The following DENND1A variants were observed in gnomAD, a reference collection of about 807,000 sequenced individuals.
DENND1A encodes the protein DENN domain containing 1A.
DENND1A carries 51 observed loss-of-function variants against 113.7 expected under a neutral mutation model. The observed-to-expected ratio is 0.45, with a 90% confidence interval of 0.36 to 0.57. The LOEUF (loss-of-function observed/expected upper bound fraction) is 0.57, where lower values mean the gene tolerates loss of function less well. Ranked by LOEUF, DENND1A falls within the 20% of genes least tolerant of loss-of-function variation. DENND1A has a pLI of 0.00. For missense variants in DENND1A, 1,258 were observed against 1,395.9 expected (o/e 0.90, Z 1.57); for synonymous variants, 565 against 570.8 (o/e 0.99, Z 0.14).
chr9:123,721,888 G>C (rs1368772888), intron 5 of DENND1A, among the ~76,000 whole-genome samples: 2 of 152,148 alleles, frequency 1.3e-5, no homozygotes, highest in Non-Finnish European at 2.9e-5. Context: ...CAGTAAATTG[G>C]TACCAGTAGA....
chr9:123,510,285 G>A (rs1303117733), intron 13 of DENND1A, among the ~76,000 whole-genome samples: 1 of 152,230 alleles, frequency 6.6e-6, no homozygotes, highest in East Asian at 1.9e-4. Flanking sequence ...TAGGCAAGTG[G>A]GTTGAACCTG....
intron 10 of DENND1A, among the ~76,000 whole-genome samples, chr9:123,620,239 G>GAAAAGA (rs2060888709): frequency 1.9e-5 from 2 of 106,644 alleles, no homozygotes; most frequent in Admixed American, 1.8e-4. Context: ...AAAAAAAAAA[G>GAAAAGA]AAAAGAAAAA....
intron 12 of DENND1A, among the ~76,000 whole-genome samples, chr9:123,575,709 T>G (rs1428699999): frequency 6.6e-6 from 1 of 152,256 alleles, no homozygotes; most frequent in Non-Finnish European, 1.5e-5. Flanking sequence ...CAAGGGGCGA[T>G]TAAGCCCCTT....
At chr9:123,464,994 C>CAAAAAAAAAAAAAAAAAAAAAA (rs10655282) in intron 13 of DENND1A, among the ~76,000 whole-genome samples, 1 of 70,572 alleles carries the variant, frequency 1.4e-5, no homozygotes, top group Non-Finnish European at 2.5e-5. Flanking sequence ...ACTAAAAATA[C>CAAAAAAAAAAAAAAAAAAAAAA]AAAAAAAAAA....
At chr9:123,565,799 C>T (rs1386190827) in intron 12 of DENND1A, among the ~76,000 whole-genome samples, 1 of 152,186 alleles carries the variant, frequency 6.6e-6, no homozygotes, top group South Asian at 2.1e-4. Flanking sequence ...TTCCTTAGTT[C>T]TTGCCTCAAA....
chr9:123,682,661 G>A (rs1300083172), intron 5 of DENND1A, among the ~76,000 whole-genome samples: 4 of 152,142 alleles, frequency 2.6e-5, no homozygotes, highest in African/African-American at 9.7e-5. Context: ...TGGTAACCCC[G>A]AGTTTGAATC....
intron 1 of DENND1A, among the ~76,000 whole-genome samples, chr9:123,915,977 A>G (rs539049038): frequency 2.0e-5 from 3 of 152,306 alleles, no homozygotes; most frequent in Non-Finnish European, 2.9e-5. Context: ...GAATTTGACA[A>G]TATCTAGCAA....
chr9:123,485,647 C>CGT (rs2050765715), intron 13 of DENND1A: 8 of 16,676 alleles, frequency 4.8e-4, no homozygotes, highest in Non-Finnish European at 1.2e-3. Context: ...TACACACACG[C>CGT]GCGCGCGCGC....
chr9:123,905,442 G>A (rs919087227), intron 1 of DENND1A, among the ~76,000 whole-genome samples: 6 of 146,500 alleles, frequency 4.1e-5, no homozygotes, highest in Admixed American at 4.1e-4. Context: ...ACCCATCAGT[G>A]TGCTGTATTC....
intron 13 of DENND1A, among the ~76,000 whole-genome samples, chr9:123,481,847 G>A (rs2050366369): frequency 6.7e-6 from 1 of 149,812 alleles, no homozygotes; most frequent in East Asian, 2.0e-4. Flanking sequence ...CCAGGCTGGA[G>A]TGCAGTGGCG....
chr9:123,683,596 T>C (rs1216141708), intron 5 of DENND1A, among the ~76,000 whole-genome samples: 1 of 152,210 alleles, frequency 6.6e-6, no homozygotes, highest in Non-Finnish European at 1.5e-5. Flanking sequence ...TCATTTTTAC[T>C]ATGAGCTTTT....
chr9:123,404,541 C>A (rs2043778504), intron 20 of DENND1A, among the ~76,000 whole-genome samples: 1 of 151,854 alleles, frequency 6.6e-6, no homozygotes, highest in Admixed American at 6.6e-5. Flanking sequence ...GGGAAGCAGG[C>A]ACACACTCCA....
At chr9:123,787,559 A>C (rs1396198043) in intron 3 of DENND1A, among the ~76,000 whole-genome samples, 1 of 152,210 alleles carries the variant, frequency 6.6e-6, no homozygotes, top group East Asian at 1.9e-4. Context: ...AAGCTTAAGA[A>C]ATGTTTTGCA....
intron 3 of DENND1A, among the ~76,000 whole-genome samples, chr9:123,779,219 A>G (rs189954881): frequency 6.1e-4 from 93 of 152,134 alleles, no homozygotes; most frequent in Non-Finnish European, 1.0e-3. Flanking sequence ...CTGGTGCTCT[A>G]CTCCCCACTC....
At chr9:123,844,040 TAAAC>T (rs754304598) in intron 2 of DENND1A, among the ~76,000 whole-genome samples, 2 of 151,942 alleles carry the variant, frequency 1.3e-5, no homozygotes, top group African/African-American at 2.4e-5. Context: ...TAAAAAAAAT[TAAAC>T]AAACTAGAAA....
chr9:123,779,220 C>T (rs926352303), intron 3 of DENND1A, among the ~76,000 whole-genome samples: 1 of 152,184 alleles, frequency 6.6e-6, no homozygotes, highest in Non-Finnish European at 1.5e-5. Context: ...TGGTGCTCTA[C>T]TCCCCACTCA....
intron 13 of DENND1A, among the ~76,000 whole-genome samples, chr9:123,495,035 G>C (rs1463650010): frequency 2.0e-5 from 3 of 152,054 alleles, no homozygotes; most frequent in Non-Finnish European, 4.4e-5. Context: ...CAGGTGATCT[G>C]CCCATCTTGG....
At chr9:123,902,904 G>A (rs1851937569) in intron 1 of DENND1A, among the ~76,000 whole-genome samples, 1 of 150,528 alleles carries the variant, frequency 6.6e-6, no homozygotes, top group South Asian at 2.1e-4. Flanking sequence ...GAATACAGAT[G>A]TAAACATAAA....
At chr9:123,741,460 T>C (rs556150742) in intron 5 of DENND1A, among the ~76,000 whole-genome samples, 1 of 152,334 alleles carries the variant, frequency 6.6e-6, no homozygotes, top group East Asian at 1.9e-4. Context: ...TATCCATTTT[T>C]CAAAATTTCA....
Sources: allele counts gnomAD v4.1 joint callset (sites outside exome capture counted in the v4.1 genomes callset), GRCh38; gene constraint gnomAD v4.1.1; transcripts MANE v1.5; gene names NCBI Gene and HGNC (gene_info 2026-07-23, HGNC 2026-07-21).